Variants in ST3GAL4 observed in about 807,000 individuals in gnomAD.
ST3GAL4 encodes the protein ST3 beta-galactoside alpha-2,3-sialyltransferase 4.
A neutral mutation model predicts 42.6 loss-of-function variants in ST3GAL4; 24 were observed. The observed-to-expected ratio is 0.56, with a 90% confidence interval of 0.41 to 0.79. The LOEUF (loss-of-function observed/expected upper bound fraction) is 0.79, where lower values mean the gene tolerates loss of function less well. Ranked by LOEUF, ST3GAL4 falls within the 30% of genes least tolerant of loss-of-function variation. The probability of loss-of-function intolerance (pLI) is 0.00; values close to 1 mark genes in which losing one functional copy is unlikely to be tolerated. For missense variants in ST3GAL4, 311 were observed against 430.8 expected, an observed-to-expected ratio of 0.72 and a Z score of 2.46; for synonymous variants, 135 against 163.2, an observed-to-expected ratio of 0.83 and a Z score of 1.32.
rs1401987157 is a variant in ST3GAL4, at chr11:126,392,943, C to T, written c.-60-13153C>T. Among the ~76,000 whole-genome samples, 1 of 149,238 alleles carries T rather than the reference C, an allele frequency of 6.7e-6. No homozygotes were observed. The highest frequency in any genetic ancestry group is 2.5e-5 in the African/African-American group (1 of 40,262). ...ATTCCAGATCTCTCAACATTTGTAA[C>T]ACGACCAACTCCTGTTCTTTTTTTT... is the stretch of plus-strand genomic sequence containing the variant. On this transcript the variant is annotated intron_variant, in intron 1 of 10. Coordinates refer to ENST00000444328, the MANE Select transcript of ST3GAL4 (RefSeq NM_001254757.2). The surrounding 1 kb of genome is among the most constrained non-coding windows in gnomAD (Gnocchi z 5.8).
rs1038250715 is a variant in ST3GAL4, at chr11:126,406,986, G to A, written c.145G>A (p.Gly49Ser). The A allele has an allele frequency of 6.2e-7, 1 of 1,614,082 alleles. No homozygotes were observed. Among genetic ancestry groups the A allele is most frequent in the Non-Finnish European group, 8.5e-7 (1 of 1,180,014 alleles). ...AGAGAAGAAGGAGCCGTGCCTCCAG[G>A]GTGAGGCAGAGAGCAAGGCCTCTAA... ...IPEKKEPCLQ[G>S]EAESKASKLF... Residue 49 changes from glycine to serine, a missense_variant, in exon 4 of 11, where the codon GGT becomes AGT. Coordinates refer to ENST00000444328, the MANE Select transcript of ST3GAL4 (RefSeq NM_001254757.2). The surrounding 1 kb of genome is among the most constrained non-coding windows in gnomAD (Gnocchi z 5.4).
rs938933577 is a variant in ST3GAL4, at chr11:126,413,370, C to T, written c.772-135C>T. 4.2e-5 allele frequency: 46 copies of T among 1,100,410 alleles called. 1 individual carries two copies. Among genetic ancestry groups the T allele is most frequent in the Non-Finnish European group, 5.0e-5 (40 of 793,726 alleles). The allele number at this position is 1,100,410 out of a possible 1,614,324, so 68.2% of individuals were successfully genotyped here. ...GGCCCCATTTGCGTGCTCGTTAGCTCGTGGCTTGTCTTGTTGGACAGCGCA... is the reference window on the plus strand; with the variant it reads ...GGCCCCATTTGCGTGCTCGTTAGCTTGTGGCTTGTCTTGTTGGACAGCGCA... On this transcript the variant is annotated intron_variant, in intron 9 of 10. Transcript: ENST00000444328.
In ST3GAL4 at chr11:126,393,179, T is replaced by G. The variant is rs1953583935; in HGVS notation, c.-60-12917T>G. On this transcript the variant is annotated intron_variant, in intron 1 of 10. Transcript: ENST00000444328. This position sits in a 1 kb window ranked among gnomAD's most constrained non-coding sequence, Gnocchi z 5.9. The stretch of plus-strand genomic sequence containing the variant: ...GCCTTGCAAGTAGCAGAGACAGGGT[T>G]TAGTCTCGGTAGCCAGTGCCTAGGG... The G allele has an allele frequency of 6.6e-6, 1 of 152,002 alleles. No homozygotes were observed. Among genetic ancestry groups the G allele is most frequent in the Admixed American group, 6.6e-5 (1 of 15,252 alleles). 9.4% of individuals were successfully genotyped at this position (152,002 alleles called of 1,614,324 possible).
Position 126,366,840 on chromosome 11 carries a change from A to C in ST3GAL4, c.-61+10998A>C, listed in dbSNP as rs189243299. On this transcript the variant is annotated intron_variant, in intron 1 of 10. Transcript: ENST00000444328. The surrounding 1 kb of genome is among the most constrained non-coding windows in gnomAD (Gnocchi z 4.2). Reference sequence around the variant, plus strand: ...AGGAGGCAGGGTGAGCGCAGAAACCACTGCTCCAAAACTCTTAAAAGCAGA... The same window carrying C: ...AGGAGGCAGGGTGAGCGCAGAAACCCCTGCTCCAAAACTCTTAAAAGCAGA... Among the ~76,000 whole-genome samples, 8 of 152,228 alleles carry C rather than the reference A, an allele frequency of 5.3e-5. No individual in the cohort carries two copies. The highest frequency in any genetic ancestry group is 1.9e-4 in the African/African-American group (8 of 41,546).
rs571004810 is a variant in ST3GAL4 at position 126,401,268 on chromosome 11, A to G, written c.-60-4828A>G. 3.6e-4 allele frequency among the ~76,000 whole-genome samples: 55 copies of G among 151,968 alleles called. 1 individual carries two copies. Among genetic ancestry groups the G allele is most frequent in the Admixed American group, 1.3e-3 (20 of 15,268 alleles). ...GAGGTTCAAGGACAGTGCCCCCGAG[A>G]ATGCCAGCATTTAAAGGGTGGACCC... is the stretch of plus-strand genomic sequence containing the variant. On this transcript the variant is annotated intron_variant, in intron 1 of 10. Transcript: ENST00000444328.
chr11:126,406,499 C>G lies in ST3GAL4; in HGVS notation c.43C>G (p.Leu15Val), dbSNP rs148736743. Residue 15 changes from leucine (L) to valine (V), a missense_variant, in exon 3 of 11, where the codon CTG (leucine) becomes GTG (valine). Physicochemically the swap from Leu to Val is conservative, Grantham distance 32. Transcript: ENST00000444328. This position sits in a 1 kb window ranked among gnomAD's most constrained non-coding sequence, Gnocchi z 5.4. Reference sequence around the variant, plus strand: ...CTGGAAGCTCCTGGCCATGTTGGCTCTGGTCCTGGTCGTCATGGTGTGGTA... The same window carrying G: ...CTGGAAGCTCCTGGCCATGTTGGCTGTGGTCCTGGTCGTCATGGTGTGGTA... Reference protein sequence around the residue: ...SRWKLLAMLALVLVVMVWYSI... With the variant: ...SRWKLLAMLAVVLVVMVWYSI... The G allele has an allele frequency of 1.6e-4, 264 of 1,614,192 alleles. 3 individuals carry two copies. The highest frequency in any genetic ancestry group is 6.6e-4 in the Middle Eastern group (4 of 6,062).
intron 9 of ST3GAL4, among the ~76,000 whole-genome samples, chr11:126,412,809 T>A (rs1954590418): frequency 6.6e-6 from 1 of 152,256 alleles, no homozygotes; most frequent in Non-Finnish European, 1.5e-5. Flanking sequence ...ATGAGTTGCT[T>A]AACGCTTTTG....
rs959809690 is a variant in ST3GAL4 at position 126,406,069 on chromosome 11, C to G, written c.-60-27C>G. On this transcript the variant is annotated intron_variant, in intron 1 of 10. Transcript: ENST00000444328. The surrounding 1 kb of genome is among the most constrained non-coding windows in gnomAD (Gnocchi z 5.4). The stretch of plus-strand genomic sequence containing the variant: ...AGGCAGGAGAGTTTGTGAAGCTGAC[C>G]GGACACCTGTGGCTCTTATTTCCTA... The G allele has an allele frequency of 2.9e-5, 45 of 1,551,104 alleles. No individual in the cohort carries two copies. The highest frequency in any genetic ancestry group is 2.7e-5 in the African/African-American group (2 of 73,022).
At chr11:126,413,180 A>G (rs1406359031) in intron 9 of ST3GAL4, among the ~76,000 whole-genome samples, 1 of 152,152 alleles carries the variant, frequency 6.6e-6, no homozygotes, top group African/African-American at 2.4e-5. Context: ...TTCTTAGCGC[A>G]CGACAGCCCA....
chr11:126,374,475 AAAAT>A (rs1336957542), intron 1 of ST3GAL4, among the ~76,000 whole-genome samples: 2 of 151,470 alleles, frequency 1.3e-5, no homozygotes, highest in African/African-American at 2.4e-5. Context: ...AAAAAAAAAA[AAAAT>A]AGAGAAAAGG....
intron 1 of ST3GAL4, among the ~76,000 whole-genome samples, chr11:126,364,857 C>A (rs930879837): frequency 6.6e-6 from 1 of 151,580 alleles, no homozygotes; most frequent in Non-Finnish European, 1.5e-5. Flanking sequence ...CACCGCACTC[C>A]CCACTCTGTG....
intron 1 of ST3GAL4, among the ~76,000 whole-genome samples, chr11:126,394,346 G>C (rs573895264): frequency 6.6e-6 from 1 of 152,224 alleles, no homozygotes; most frequent in South Asian, 2.1e-4. Context: ...CTCCCACCTC[G>C]TCACAGTGGC....
In ST3GAL4 at chr11:126,363,873, C is replaced by A. The variant is rs562740860; in HGVS notation, c.-61+8031C>A. Among the ~76,000 whole-genome samples, 1 of 152,264 alleles carries A rather than the reference C, an allele frequency of 6.6e-6. No homozygotes were observed. The highest frequency in any genetic ancestry group is 1.5e-5 in the Non-Finnish European group (1 of 68,048). On this transcript the variant is annotated intron_variant, in intron 1 of 10. Coordinates refer to ENST00000444328, the MANE Select transcript of ST3GAL4 (RefSeq NM_001254757.2). The surrounding 1 kb of genome is among the most constrained non-coding windows in gnomAD (Gnocchi z 4.6). Reference sequence around the variant, plus strand: ...TGAGGGTCTGGATACACTCCCCACCCTCCCAGGCCCGGCACCGTGTCGCCC... The same window carrying A: ...TGAGGGTCTGGATACACTCCCCACCATCCCAGGCCCGGCACCGTGTCGCCC...
chr11:126,367,497 C>G (rs1021356829), intron 1 of ST3GAL4, among the ~76,000 whole-genome samples: 21 of 152,136 alleles, frequency 1.4e-4, no homozygotes, highest in Non-Finnish European at 2.2e-4. Flanking sequence ...CTGCCTTGTG[C>G]CTGGGAAGGG....
intron 1 of ST3GAL4, chr11:126,358,375 C>G (rs1007638352): frequency 2.6e-6 from 1 of 381,954 alleles, no homozygotes; most frequent in South Asian, 1.8e-5. Context: ...TTGGGTGACT[C>G]TTGTTATTAA....
At chr11:126,413,745 G>T in intron 10 of ST3GAL4, 97 bp downstream of exon 10, 1 of 1,553,874 alleles carries the variant, frequency 6.4e-7, no homozygotes, top group South Asian at 1.2e-5. Context: ...AGACCCAGAG[G>T]TGGCTCCCGC....
chr11:126,387,119 C>G (rs1344011192), intron 1 of ST3GAL4, among the ~76,000 whole-genome samples: 1 of 152,170 alleles, frequency 6.6e-6, no homozygotes, highest in Non-Finnish European at 1.5e-5. Flanking sequence ...GACGCGTGTT[C>G]TAGGGTCTGA....
In ST3GAL4 at chr11:126,397,077, G is replaced by A. The variant is rs1335903850; in HGVS notation, c.-60-9019G>A. Reference sequence around the variant, plus strand: ...ACAGTGAACTCTCTGGCCCCTCCAAGTCAGTGGTGCAGAGATTGAGAGATC... The same window carrying A: ...ACAGTGAACTCTCTGGCCCCTCCAAATCAGTGGTGCAGAGATTGAGAGATC... On this transcript the variant is annotated intron_variant, in intron 1 of 10. Coordinates refer to ENST00000444328, the MANE Select transcript of ST3GAL4 (RefSeq NM_001254757.2). The surrounding 1 kb of genome is among the most constrained non-coding windows in gnomAD (Gnocchi z 5.0). Among the ~76,000 whole-genome samples, 1 of 152,126 alleles carries A rather than the reference G, an allele frequency of 6.6e-6. No homozygotes were observed. The highest frequency in any genetic ancestry group is 1.5e-5 in the Non-Finnish European group (1 of 68,036).
At chr11:126,395,360 G>T (rs1953703602) in intron 1 of ST3GAL4, among the ~76,000 whole-genome samples, 1 of 152,172 alleles carries the variant, frequency 6.6e-6, no homozygotes, top group Admixed American at 6.5e-5. Context: ...CTGGGAAGTA[G>T]AGAAGCTGAG....
Sources: gnomAD v4.1 joint callset for allele counts (sites outside exome capture counted in the v4.1 genomes callset) on GRCh38, gnomAD v4.1.1 for gene constraint, Gnocchi (gnomAD v3.1) non-coding constraint, MANE v1.5 for transcripts, NCBI Gene and HGNC (gene_info 2026-07-23, HGNC 2026-07-21) for gene names.